Variants in ADAMTS2 observed in about 807,000 individuals in gnomAD.
ADAMTS2 encodes the protein ADAM metallopeptidase with thrombospondin type 1 motif 2, also known as A disintegrin and metalloproteinase with thrombospondin motifs 2.
A neutral mutation model predicts 123.0 loss-of-function variants in ADAMTS2; 50 were observed. The ratio of observed to expected loss-of-function variants is 0.41; its 90% CI spans 0.32 to 0.51. The LOEUF (loss-of-function observed/expected upper bound fraction) is 0.51. ADAMTS2 is among the 20% of genes least tolerant of loss of function. ADAMTS2 has a pLI of 0.35. For missense variants in ADAMTS2, 1,494 were observed against 1,705.2 expected (o/e 0.88, Z 2.18); for synonymous variants, 678 against 695.4 (o/e 0.98, Z 0.39).
Position 179,125,015 on chromosome 5 carries a change from G to C in ADAMTS2, c.2916C>G (p.Arg972=). ...ARPESRRACS[R]ELCPGRWRAG... ...CTCGCCAACGACCAGGGCAGAGCTC[G>C]CGGCTGCAGGCCCGGCGGCTCTCGG... The change falls in exon 19 of 22, where the codon CGC becomes CGG. Residue 972 remains arginine, a synonymous_variant. Coordinates refer to ENST00000251582, the MANE Select transcript of ADAMTS2 (RefSeq NM_014244.5). The C allele has an allele frequency of 6.2e-7, 1 of 1,607,750 alleles. No individual in the cohort carries two copies. The highest frequency in any genetic ancestry group is 8.5e-7 in the Non-Finnish European group (1 of 1,178,600).
intron 19 of ADAMTS2, among the ~76,000 whole-genome samples, chr5:179,124,681 C>T (rs1762820264): frequency 1.3e-5 from 2 of 152,196 alleles, no homozygotes; most frequent in South Asian, 2.1e-4. Context: ...GCCCACGGGC[C>T]GAAAGGGGAA....
At chr5:179,123,102 C>A (rs1304456633) in intron 19 of ADAMTS2, among the ~76,000 whole-genome samples, 1 of 152,264 alleles carries the variant, frequency 6.6e-6, no homozygotes, top group African/African-American at 2.4e-5. Context: ...CCAGGAGAAC[C>A]TGCTGTGCCC....
At chr5:179,145,292 A>G (rs1223284725) in intron 10 of ADAMTS2, among the ~76,000 whole-genome samples, 1 of 152,190 alleles carries the variant, frequency 6.6e-6, no homozygotes, top group East Asian at 1.9e-4. Flanking sequence ...GGAATGTAAA[A>G]CAGGCTGCTT....
intron 2 of ADAMTS2, among the ~76,000 whole-genome samples, chr5:179,321,798 C>G (rs1476404840): frequency 6.6e-6 from 1 of 152,180 alleles, no homozygotes; most frequent in Admixed American, 6.5e-5. Context: ...TACCCTTCCT[C>G]TCTACCACCC....
intron 3 of ADAMTS2, among the ~76,000 whole-genome samples, chr5:179,261,539 C>A (rs1219764545): frequency 6.6e-6 from 1 of 152,200 alleles, no homozygotes; most frequent in Non-Finnish European, 1.5e-5. Context: ...GCAACAGATA[C>A]CTATTTGCAG....
chr5:179,296,154 C>A (rs1200943771), intron 2 of ADAMTS2, among the ~76,000 whole-genome samples: 11 of 152,074 alleles, frequency 7.2e-5, no homozygotes, highest in Admixed American at 7.2e-4. Flanking sequence ...AGGAGAATGA[C>A]CACAGGATCC....
At chr5:179,326,339 C>T (rs1757320265) in intron 2 of ADAMTS2, among the ~76,000 whole-genome samples, 1 of 151,788 alleles carries the variant, frequency 6.6e-6, no homozygotes, top group African/African-American at 2.4e-5. Flanking sequence ...GTCAGCGGCT[C>T]CTGGCCTCTT....
At chr5:179,249,091 T>C (rs1213452039) in intron 3 of ADAMTS2, among the ~76,000 whole-genome samples, 2 of 152,082 alleles carry the variant, frequency 1.3e-5, no homozygotes, top group Non-Finnish European at 2.9e-5. Context: ...AGAAACCCTT[T>C]AAAAATTCAC....
At chr5:179,230,286 G>GAA (rs1765378682) in intron 3 of ADAMTS2, among the ~76,000 whole-genome samples, 1 of 152,198 alleles carries the variant, frequency 6.6e-6, no homozygotes, top group African/African-American at 2.4e-5. Flanking sequence ...GGGATTACCA[G>GAA]AAAGTGCGGT....
chr5:179,245,554 C>G (rs1377595860), intron 3 of ADAMTS2, among the ~76,000 whole-genome samples: 2 of 149,318 alleles, frequency 1.3e-5, no homozygotes, highest in African/African-American at 5.1e-5. Flanking sequence ...ATCACGAGGT[C>G]AGGAGATCGA....
rs1421506709 is a variant in ADAMTS2 at position 179,132,944 on chromosome 5, T to C, written c.2086-44A>G. The C allele has an allele frequency of 1.2e-6, 2 of 1,603,582 alleles. No individual in the cohort carries two copies. The highest frequency in any genetic ancestry group is 1.7e-6 in the Non-Finnish European group (2 of 1,175,594). ...GTGAGCACTTGAGACGTCCTGCTAG[T>C]AGAGTCAGGGTCATACTATGTTGCC... On this transcript the variant is annotated intron_variant, in intron 13 of 21. Transcript: ENST00000251582. This position sits in a 1 kb window ranked among gnomAD's most constrained non-coding sequence, Gnocchi z 6.1.
intron 5 of ADAMTS2, among the ~76,000 whole-genome samples, chr5:179,159,709 C>G (rs57291775): frequency 6.6e-6 from 1 of 152,120 alleles, no homozygotes; most frequent in Non-Finnish European, 1.5e-5. Flanking sequence ...GACTAAGAAG[C>G]CTGTCTTGGA....
chr5:179,280,659 C>T (rs977919890), intron 2 of ADAMTS2, among the ~76,000 whole-genome samples: 4 of 152,136 alleles, frequency 2.6e-5, no homozygotes, highest in African/African-American at 9.7e-5. Context: ...GGCGCACCCC[C>T]AGTGTCTTCC....
chr5:179,286,381 C>T (rs939697253), intron 2 of ADAMTS2, among the ~76,000 whole-genome samples: 46 of 151,950 alleles, frequency 3.0e-4, no homozygotes, highest in Admixed American at 2.5e-3. Flanking sequence ...CCAACCAGCC[C>T]AGGAGACCAG....
intron 3 of ADAMTS2, among the ~76,000 whole-genome samples, chr5:179,270,114 C>T (rs905353363): frequency 1.3e-5 from 2 of 152,218 alleles, no homozygotes; most frequent in African/African-American, 4.8e-5. Flanking sequence ...CCGTCATTTT[C>T]TATCCGTTTC....
intron 2 of ADAMTS2, among the ~76,000 whole-genome samples, chr5:179,299,920 CCG>C (rs987183257): frequency 1.3e-5 from 2 of 151,828 alleles, no homozygotes; most frequent in African/African-American, 4.8e-5. Context: ...CAGTGAAACC[CCG>C]TCTCTACTAA....
intron 3 of ADAMTS2, among the ~76,000 whole-genome samples, chr5:179,246,279 T>C (rs1002698201): frequency 6.6e-6 from 1 of 152,224 alleles, no homozygotes; most frequent in African/African-American, 2.4e-5. Flanking sequence ...CAGAGAATTG[T>C]GGTTGTGGGT....
At chr5:179,251,550 C>T (rs1324595987) in intron 3 of ADAMTS2, among the ~76,000 whole-genome samples, 2 of 152,104 alleles carry the variant, frequency 1.3e-5, no homozygotes, top group Non-Finnish European at 2.9e-5. Flanking sequence ...GGTGTCTCTG[C>T]GTGTTCTGTG....
intron 1 of ADAMTS2, 147 bp from the exon 2 acceptor site, chr5:179,344,308 C>T: frequency 9.1e-7 from 1 of 1,094,840 alleles, no homozygotes; most frequent in Non-Finnish European, 1.3e-6. Context: ...CAGCCTGCAC[C>T]TCCCCGGCTT....
Sources: gnomAD v4.1 joint callset for allele counts (sites outside exome capture counted in the v4.1 genomes callset) on GRCh38, gnomAD v4.1.1 for gene constraint, Gnocchi (gnomAD v3.1) non-coding constraint, MANE v1.5 for transcripts, NCBI Gene and HGNC (gene_info 2026-07-23, HGNC 2026-07-21) for gene names.